Variants in CADM2 observed in about 807,000 individuals in gnomAD.
CADM2 encodes the protein immunoglobulin superfamily member 4D.
A neutral mutation model predicts 49.8 loss-of-function variants in CADM2; 12 were observed. That is an observed-to-expected ratio of 0.24 (90% CI 0.15 to 0.39). The LOEUF (loss-of-function observed/expected upper bound fraction) is 0.39. CADM2 is among the 10% of genes least tolerant of loss of function. CADM2 has a pLI of 1.00. For synonymous variants in CADM2, 214 were observed against 175.4 expected (o/e 1.22, Z -1.74); for missense variants, 378 against 492.3 (o/e 0.77, Z 2.20).
chr3:85,528,311 C>T (rs1031602702), intron 1 of CADM2, among the ~76,000 whole-genome samples: 3 of 125,434 alleles, frequency 2.4e-5, no homozygotes, highest in Non-Finnish European at 3.7e-5. Context: ...ATGGGAGAAA[C>T]ATCAGCATAC....
At chr3:85,713,499 A>G (rs2067186861) in intron 1 of CADM2, among the ~76,000 whole-genome samples, 2 of 152,128 alleles carry the variant, frequency 1.3e-5, no homozygotes, top group Non-Finnish European at 2.9e-5. Context: ...AATAATATAT[A>G]GAAACATGAA....
At chr3:85,741,440 C>T (rs971795021) in intron 2 of CADM2, among the ~76,000 whole-genome samples, 5 of 151,944 alleles carry the variant, frequency 3.3e-5, no homozygotes, top group Non-Finnish European at 1.5e-5. Context: ...AAGGCCGGGG[C>T]GGGGGGATCA....
At chr3:85,614,982 C>A (rs550484709) in intron 1 of CADM2, among the ~76,000 whole-genome samples, 1 of 152,084 alleles carries the variant, frequency 6.6e-6, no homozygotes, top group East Asian at 1.9e-4. Flanking sequence ...TTTGATATAG[C>A]TGTCCTTTAG....
At chr3:85,732,111 A>AT (rs2067957933) in intron 2 of CADM2, among the ~76,000 whole-genome samples, 1 of 150,938 alleles carries the variant, frequency 6.6e-6, no homozygotes, top group East Asian at 2.0e-4. Flanking sequence ...AAAAAAAAAA[A>AT]AAAATTGCTG....
chr3:85,551,506 A>G (rs1039867661), intron 1 of CADM2, among the ~76,000 whole-genome samples: 1 of 152,142 alleles, frequency 6.6e-6, no homozygotes, highest in South Asian at 2.1e-4. Flanking sequence ...AAGTGAATGC[A>G]TACATTTCTC....
In CADM2 at chr3:85,484,720, T is replaced by G. The variant is rs372063742; in HGVS notation, c.62-241802T>G. ...AGGACAGTGAGTTTAATTGTACAACTTAAAACTGAAACTATTGTAAATTAC... is the reference window on the plus strand; with the variant it reads ...AGGACAGTGAGTTTAATTGTACAACGTAAAACTGAAACTATTGTAAATTAC... On this transcript the variant is annotated intron_variant, in intron 1 of 9. Coordinates refer to ENST00000383699, the MANE Select transcript of CADM2 (RefSeq NM_001167675.2). Among the ~76,000 whole-genome samples, 3 of 152,130 alleles carry G rather than the reference T, an allele frequency of 2.0e-5. No homozygotes were observed. In the East Asian group the frequency reaches 5.8e-4, roughly 29 times the overall value.
chr3:85,310,780 G>T (rs958881046), intron 1 of CADM2, among the ~76,000 whole-genome samples: 2 of 152,138 alleles, frequency 1.3e-5, no homozygotes, highest in African/African-American at 4.8e-5. Context: ...AGCAGGAACA[G>T]AAATTTTTAC....
At chr3:85,866,675 T>A (rs969130727) in intron 3 of CADM2, among the ~76,000 whole-genome samples, 1 of 151,792 alleles carries the variant, frequency 6.6e-6, no homozygotes, top group Admixed American at 6.6e-5. Context: ...TAATAATTTA[T>A]GTATTTGAAA....
At chr3:85,772,799 T>TC in intron 2 of CADM2, among the ~76,000 whole-genome samples, 1 of 105,046 alleles carries the variant, frequency 9.5e-6, no homozygotes, top group East Asian at 2.0e-4. Flanking sequence ...CTATGTTTTC[T>TC]TTTTTTTTTT....
chr3:85,892,304 A>C (rs1429968805), intron 5 of CADM2, among the ~76,000 whole-genome samples: 1 of 152,230 alleles, frequency 6.6e-6, no homozygotes, highest in African/African-American at 2.4e-5. Context: ...AATGACTTGG[A>C]TAATGAATGT....
At chr3:85,882,179 G>A (rs1402223490) in intron 3 of CADM2, among the ~76,000 whole-genome samples, 2 of 31,090 alleles carry the variant, frequency 6.4e-5, no homozygotes, top group African/African-American at 1.4e-4. Context: ...ATACCCTCCC[G>A]CCTCACCCTC....
rs1208699195 is a variant in CADM2, at chr3:85,528,075, G to A, written c.62-198447G>A. Among the ~76,000 whole-genome samples, 11 of 152,176 alleles carry A rather than the reference G, an allele frequency of 7.2e-5. No homozygotes were observed. The South Asian group carries it at 1.5e-3, about 20-fold the overall frequency. On this transcript the variant is annotated intron_variant, in intron 1 of 9. Transcript: ENST00000383699. ...CAAAGATCACTTTTGCCACCATCTC[G>A]CAAGCACAGAAATCACCTTTCAAGT...
intron 1 of CADM2, among the ~76,000 whole-genome samples, chr3:85,699,675 A>T (rs79669295): frequency 0.03 from 4,610 of 152,300 alleles, 255 homozygotes; most frequent in African/African-American, 0.11. Flanking sequence ...AGAGCAGTAG[A>T]GTCCTGGGCC....
intron 1 of CADM2, among the ~76,000 whole-genome samples, chr3:85,584,843 A>G (rs376349266): frequency 6.6e-6 from 1 of 152,030 alleles, no homozygotes; most frequent in African/African-American, 2.4e-5. Flanking sequence ...CTGAAATTTA[A>G]AGCTTGTGCT....
At chr3:85,500,862 G>C (rs2107664623) in intron 1 of CADM2, among the ~76,000 whole-genome samples, 1 of 152,112 alleles carries the variant, frequency 6.6e-6, no homozygotes, top group Admixed American at 6.6e-5. Context: ...TTGAGATTAT[G>C]TTTGCCATGC....
chr3:84,963,359 G>A (rs2030715791), intron 1 of CADM2, among the ~76,000 whole-genome samples: 1 of 152,108 alleles, frequency 6.6e-6, no homozygotes, highest in African/African-American at 2.4e-5. Context: ...GCCTGAGGGG[G>A]CACTGCAAAG....
At chr3:85,810,273 G>T (rs1043181907) in intron 3 of CADM2, among the ~76,000 whole-genome samples, 1 of 152,082 alleles carries the variant, frequency 6.6e-6, no homozygotes, top group African/African-American at 2.4e-5. Flanking sequence ...GCTGATCCCA[G>T]ATGAAAACCA....
chr3:85,100,488 CT>C (rs774513298), intron 1 of CADM2, among the ~76,000 whole-genome samples: 1 of 152,166 alleles, frequency 6.6e-6, no homozygotes, highest in Non-Finnish European at 1.5e-5. Context: ...CTAGCATTAA[CT>C]TTTTATGAGT....
intron 7 of CADM2, among the ~76,000 whole-genome samples, chr3:85,953,982 A>G (rs1430260939): frequency 1.3e-5 from 2 of 150,968 alleles, no homozygotes; most frequent in Admixed American, 6.6e-5. Context: ...GCATACATGT[A>G]TAAAGACTAT....
Sources: allele counts gnomAD v4.1 joint callset (sites outside exome capture counted in the v4.1 genomes callset), GRCh38; gene constraint gnomAD v4.1.1; transcripts MANE v1.5; gene names NCBI Gene and HGNC (gene_info 2026-07-23, HGNC 2026-07-21).